Variants in CAMTA1 observed in about 807,000 individuals in gnomAD.
CAMTA1 encodes calmodulin-binding transcription activator 1.
In CAMTA1, 27 loss-of-function variants were observed where a neutral mutation model predicts 170.9. That is an observed-to-expected ratio of 0.16 (90% CI 0.12 to 0.22). The LOEUF (loss-of-function observed/expected upper bound fraction) is 0.22, where lower values mean the gene tolerates loss of function less well. CAMTA1 is among the 10% of genes least tolerant of loss of function. The probability of loss-of-function intolerance (pLI) is 1.00; values close to 1 mark genes in which losing one functional copy is unlikely to be tolerated. For synonymous variants in CAMTA1, 833 were observed against 891.5 expected, an observed-to-expected ratio of 0.93 and a Z score of 1.17; for missense variants, 1,619 against 2,217.2, an observed-to-expected ratio of 0.73 and a Z score of 5.42.
chr1:6,821,706 A>G (rs1570461328), intron 2 of CAMTA1, among the ~76,000 whole-genome samples: 1 of 152,168 alleles, frequency 6.6e-6, no homozygotes, highest in South Asian at 2.1e-4. Flanking sequence ...ATTAGTTAAT[A>G]TAGTTATAAT....
intron 5 of CAMTA1, among the ~76,000 whole-genome samples, chr1:7,394,270 G>A (rs75134285): frequency 1.1e-4 from 16 of 152,264 alleles, no homozygotes; most frequent in African/African-American, 3.6e-4. Flanking sequence ...CTTCCAAAAT[G>A]TTTTCCATAA....
intron 3 of CAMTA1, among the ~76,000 whole-genome samples, chr1:7,072,659 G>A (rs1638797351): frequency 6.6e-6 from 1 of 152,244 alleles, no homozygotes. Context: ...GTGTGTCAGG[G>A]GATGTTGCTA....
chr1:6,820,350 A>T, intron 2 of CAMTA1, 100 bp downstream of exon 2: 1 of 1,204,744 alleles, frequency 8.3e-7, no homozygotes, highest in Non-Finnish European at 1.2e-6. Context: ...GCCCGGACTC[A>T]GAAGACCTGG....
intron 11 of CAMTA1, among the ~76,000 whole-genome samples, chr1:7,709,744 G>C (rs1179845293): frequency 1.3e-5 from 2 of 152,226 alleles, no homozygotes; most frequent in African/African-American, 4.8e-5. Flanking sequence ...CATTCACTCA[G>C]TGAGAAACCT....
chr1:6,937,742 C>CCATCATAATCATCAT (rs199572677), intron 3 of CAMTA1, among the ~76,000 whole-genome samples: 1 of 151,252 alleles, frequency 6.6e-6, no homozygotes, highest in Non-Finnish European at 1.5e-5. Context: ...ACAGTCATCA[C>CCATCATAATCATCAT]CATCATAATC....
rs2101727678 is a variant in CAMTA1, at chr1:7,059,703, T to C, written c.235-31601T>C. Among the ~76,000 whole-genome samples, 5 of 152,338 alleles carry C rather than the reference T, an allele frequency of 3.3e-5. No individual in the cohort carries two copies. In the South Asian group the frequency reaches 1.0e-3, roughly 32 times the overall value. ...TGTTTCTTAAGCCTTGTTCGAAGGA[T>C]GACCTCTTTTCTTCTTAGGGGAACT... On this transcript the variant is annotated intron_variant, in intron 3 of 22. Transcript: ENST00000303635.
intron 3 of CAMTA1, among the ~76,000 whole-genome samples, chr1:6,925,237 C>T (rs1571762124): frequency 6.6e-6 from 1 of 152,252 alleles, no homozygotes; most frequent in African/African-American, 2.4e-5. Flanking sequence ...GAAGCTTCGC[C>T]TTGGCCCAGG....
chr1:7,506,946 A>G (rs1557837615), intron 6 of CAMTA1, among the ~76,000 whole-genome samples: 1 of 151,578 alleles, frequency 6.6e-6, no homozygotes, highest in Non-Finnish European at 1.5e-5. Context: ...CTCACAATCA[A>G]AATTCACACA....
chr1:7,376,584 C>T (rs1469030716), intron 5 of CAMTA1, among the ~76,000 whole-genome samples: 11 of 152,148 alleles, frequency 7.2e-5, no homozygotes, highest in Non-Finnish European at 1.2e-4. Flanking sequence ...ATTAGCTGGG[C>T]TTCATTGTCC....
At chr1:6,960,362 GC>G (rs1355330321) in intron 3 of CAMTA1, among the ~76,000 whole-genome samples, 1 of 152,090 alleles carries the variant, frequency 6.6e-6, no homozygotes, top group Non-Finnish European at 1.5e-5. Context: ...GACAGTGTGG[GC>G]CCCCATTTTG....
intron 3 of CAMTA1, among the ~76,000 whole-genome samples, chr1:6,924,353 GGGGGTCAGGCCAGCTGGGA>G (rs1682658500): frequency 1.3e-5 from 2 of 152,050 alleles, no homozygotes; most frequent in Admixed American, 1.3e-4. Flanking sequence ...CCAGCTGGGA[GGGGGTCAGGCCAGCTGGGA>G]GGGGCTTGCT....
At chr1:6,796,265 G>A (rs2148122396) in intron 1 of CAMTA1, among the ~76,000 whole-genome samples, 1 of 146,284 alleles carries the variant, frequency 6.8e-6, no homozygotes, top group Non-Finnish European at 1.5e-5. Flanking sequence ...AGCCTCACAA[G>A]TAGCTGGGAC....
At chr1:6,987,844 C>A (rs1284904674) in intron 3 of CAMTA1, among the ~76,000 whole-genome samples, 2 of 152,064 alleles carry the variant, frequency 1.3e-5, no homozygotes, top group South Asian at 4.1e-4. Flanking sequence ...CCCCTCCATC[C>A]CCAGCCTGTG....
At chr1:7,464,804 A>C (rs2093172146) in intron 5 of CAMTA1, among the ~76,000 whole-genome samples, 1 of 151,946 alleles carries the variant, frequency 6.6e-6, no homozygotes, top group African/African-American at 2.4e-5. Context: ...CTCAGCCCAC[A>C]CAGCCACCCG....
At chr1:7,480,896 C>A (rs1270869065) in intron 6 of CAMTA1, among the ~76,000 whole-genome samples, 1 of 152,198 alleles carries the variant, frequency 6.6e-6, no homozygotes. Flanking sequence ...TCTCTTAATG[C>A]AGAATCTGCA....
chr1:7,403,376 T>A (rs913061143), intron 5 of CAMTA1, among the ~76,000 whole-genome samples: 1 of 151,798 alleles, frequency 6.6e-6, no homozygotes, highest in Non-Finnish European at 1.5e-5. Flanking sequence ...ATGATATTAA[T>A]CCCCAAGCAG....
intron 11 of CAMTA1, among the ~76,000 whole-genome samples, chr1:7,726,187 A>G (rs2096684806): frequency 6.6e-6 from 1 of 151,978 alleles, no homozygotes; most frequent in Non-Finnish European, 1.5e-5. Flanking sequence ...TTTATTTTGT[A>G]TCATTTGATA....
intron 3 of CAMTA1, among the ~76,000 whole-genome samples, chr1:7,033,861 TG>T (rs1703164223): frequency 6.6e-6 from 1 of 152,174 alleles, no homozygotes; most frequent in Admixed American, 6.5e-5. Flanking sequence ...CCCAAAGTGC[TG>T]GGATTACAGG....
At chr1:7,524,150 C>T (rs1262963089) in intron 6 of CAMTA1, among the ~76,000 whole-genome samples, 1 of 152,158 alleles carries the variant, frequency 6.6e-6, no homozygotes. Flanking sequence ...TGCAGTGAGC[C>T]GAGATCGCAC....
Sources: allele counts gnomAD v4.1 joint callset (sites outside exome capture counted in the v4.1 genomes callset), GRCh38; gene constraint gnomAD v4.1.1; transcripts MANE v1.5; gene names NCBI Gene and HGNC (gene_info 2026-07-23, HGNC 2026-07-21).